FNTB: variants seen among roughly 807,000 people sequenced by gnomAD.
FNTB encodes the protein protein farnesyltransferase subunit beta.
FNTB carries 27 observed loss-of-function variants against 59.4 expected under a neutral mutation model. That is an observed-to-expected ratio of 0.45 (90% CI 0.34 to 0.63). The LOEUF (loss-of-function observed/expected upper bound fraction) is 0.63, where lower values mean the gene tolerates loss of function less well. FNTB is among the 20% of genes least tolerant of loss of function. The pLI, the probability that FNTB is intolerant of heterozygous loss-of-function variation, is 0.02. For missense variants in FNTB, 449 were observed against 559.6 expected, an observed-to-expected ratio of 0.80 and a Z score of 1.99; for synonymous variants, 230 against 220.7, an observed-to-expected ratio of 1.04 and a Z score of -0.37.
chr14:65,006,111 C>T (rs1423198365), intron 2 of FNTB: 28 of 1,590,362 alleles, frequency 1.8e-5, no homozygotes, highest in Admixed American at 3.5e-5. Flanking sequence ...CTTCTGCTTA[C>T]TGGAACATTA....
intron 4 of FNTB, among the ~76,000 whole-genome samples, chr14:65,025,271 A>G (rs1017254485): frequency 1.3e-5 from 2 of 152,164 alleles, no homozygotes; most frequent in Admixed American, 1.3e-4. Flanking sequence ...GCACGATTCT[A>G]TCTTAGGAGC....
Position 65,030,227 on chromosome 14 carries a change from TAGAC to T in FNTB, c.606-2379_606-2376del, listed in dbSNP as rs2062053568. Among the ~76,000 whole-genome samples the T allele has an allele frequency of 6.6e-5, 10 of 152,198 alleles. No individual in the cohort carries two copies. In the South Asian group the frequency reaches 1.9e-3, roughly 28 times the overall value. On this transcript the variant is annotated intron_variant, in intron 6 of 11. Coordinates refer to ENST00000246166, the MANE Select transcript of FNTB (RefSeq NM_002028.4). This position sits in a 1 kb window ranked among gnomAD's most constrained non-coding sequence, Gnocchi z 4.5. ...AAGAGGCCTACAATTGCAAGGAAAT[TAGAC>T]AGATCTTCAAAATTAGCTGCTGGTA...
intron 1 of FNTB, among the ~76,000 whole-genome samples, chr14:64,989,064 TAGG>T (rs1184128889): frequency 6.6e-6 from 1 of 152,016 alleles, no homozygotes; most frequent in Non-Finnish European, 1.5e-5. Flanking sequence ...ACAACCTTGT[TAGG>T]AGGAGTTGTT....
chr14:65,052,701 G>A (rs1727810848), intron 9 of FNTB, among the ~76,000 whole-genome samples: 1 of 152,286 alleles, frequency 6.6e-6, no homozygotes, highest in East Asian at 1.9e-4. Context: ...TGTTTCTTAG[G>A]TAAATTCTTT....
At chr14:65,005,493 CTT>C (rs1488796969) in intron 2 of FNTB, among the ~76,000 whole-genome samples, 9 of 136,450 alleles carry the variant, frequency 6.6e-5, no homozygotes, top group African/African-American at 2.2e-4. Flanking sequence ...TTCTTTCTTT[CTT>C]TCTTTCTTTC....
intron 1 of FNTB, 26 bp downstream of exon 1, chr14:64,987,123 G>T (rs1164320977): frequency 1.2e-5 from 20 of 1,613,468 alleles, no homozygotes; most frequent in Admixed American, 8.3e-5. Flanking sequence ...TGGGCGAGGC[G>T]CCCGCGCGAT....
In FNTB at chr14:65,004,244, A is replaced by G; in HGVS notation, c.145-5A>G. The G allele has an allele frequency of 6.2e-7, 1 of 1,613,416 alleles. No individual in the cohort carries two copies. Among genetic ancestry groups the G allele is most frequent in the Non-Finnish European group, 8.5e-7 (1 of 1,179,618 alleles). ...TCTCTCTCCTATCTCCTGCATCCTT[A>G]CCAGGCAAAAGTAGAAGAAAAGATC... On this transcript the variant is annotated splice_region_variant and splice_polypyrimidine_tract_variant and intron_variant, in intron 1 of 11. Coordinates refer to ENST00000246166, the MANE Select transcript of FNTB (RefSeq NM_002028.4).
rs1383923618 is a variant in FNTB at position 65,012,201 on chromosome 14, T to C, written c.210-116T>C. 1 of 1,287,802 alleles carries C rather than the reference T, an allele frequency of 7.8e-7. No homozygotes were observed. The highest frequency in any genetic ancestry group is 1.5e-5 in the African/African-American group (1 of 66,840). The allele number at this position is 1,287,802 out of a possible 1,614,324, so 79.8% of individuals were successfully genotyped here. The stretch of plus-strand genomic sequence containing the variant: ...AAGTTGCTGGTTATCCAGTCAGTGA[T>C]TGCAGGGGGACGTCCTGAAGCTGAG... On this transcript the variant is annotated intron_variant, in intron 2 of 11. Coordinates refer to ENST00000246166, the MANE Select transcript of FNTB (RefSeq NM_002028.4). This position sits in a 1 kb window ranked among gnomAD's most constrained non-coding sequence, Gnocchi z 5.0.
In FNTB at chr14:65,044,194, C is replaced by T; in HGVS notation, c.823-117C>T. 1 of 1,558,276 alleles carries T rather than the reference C, an allele frequency of 6.4e-7. No homozygotes were observed. On this transcript the variant is annotated intron_variant, in intron 8 of 11. Transcript: ENST00000246166. This position sits in a 1 kb window ranked among gnomAD's most constrained non-coding sequence, Gnocchi z 5.5. ...AAACCAGAGCACCAAAACTAGAGTG[C>T]CAAGAAGCCACAAGATGGGAAACCC...
intron 1 of FNTB, among the ~76,000 whole-genome samples, chr14:64,998,165 T>A (rs1220368499): frequency 6.6e-6 from 1 of 152,240 alleles, no homozygotes; most frequent in Non-Finnish European, 1.5e-5. Context: ...ATGAAGAAAG[T>A]ACTATTTGAG....
At chr14:65,060,695 C>A (rs2062843299) in intron 11 of FNTB, among the ~76,000 whole-genome samples, 2 of 36,232 alleles carry the variant, frequency 5.5e-5, no homozygotes, top group Non-Finnish European at 4.3e-5. Flanking sequence ...GAGACTCCGT[C>A]TCAAAAAAAA....
rs1380134086 is a variant in FNTB, at chr14:65,012,073, G to A, written c.210-244G>A. On this transcript the variant is annotated intron_variant, in intron 2 of 11. Coordinates refer to ENST00000246166, the MANE Select transcript of FNTB (RefSeq NM_002028.4). This position sits in a 1 kb window ranked among gnomAD's most constrained non-coding sequence, Gnocchi z 5.0. ...TAGCCCAAAGTCACTGCCTTTAGGAGACAATCGCACTCTAAATGTCAGCTG... is the reference window on the plus strand; with the variant it reads ...TAGCCCAAAGTCACTGCCTTTAGGAAACAATCGCACTCTAAATGTCAGCTG... 2 of 457,706 alleles carry A rather than the reference G, an allele frequency of 4.4e-6. No individual in the cohort carries two copies. The highest frequency in any genetic ancestry group is 6.8e-5 in the Admixed American group (2 of 29,610). 28.4% of individuals were successfully genotyped at this position (457,706 alleles called of 1,614,324 possible). A position where few individuals can be genotyped will look rare whatever the true frequency, so the allele number is the denominator to read the frequency against.
chr14:65,044,676 T>C lies in FNTB; in HGVS notation c.955+233T>C. ...TCAAATTGGCTGCGACAGAATGAGC[T>C]TCCTTGAAATTGCTACGGGGAGCGG... On this transcript the variant is annotated intron_variant, in intron 9 of 11. Transcript: ENST00000246166. This position sits in a 1 kb window ranked among gnomAD's most constrained non-coding sequence, Gnocchi z 5.5. The C allele has an allele frequency of 1.6e-6, 1 of 623,738 alleles. No homozygotes were observed. Among genetic ancestry groups the C allele is most frequent in the Non-Finnish European group, 2.5e-6 (1 of 399,068 alleles). 38.6% of individuals were successfully genotyped at this position (623,738 alleles called of 1,614,324 possible).
At chr14:65,021,312 T>G (rs2061882075) in intron 4 of FNTB, among the ~76,000 whole-genome samples, 1 of 152,234 alleles carries the variant, frequency 6.6e-6, no homozygotes, top group Admixed American at 6.5e-5. Context: ...TTAGGACATT[T>G]CAGCTTGTAA....
At chr14:65,041,070 C>T in intron 8 of FNTB, 151 bp downstream of exon 8, 1 of 1,318,736 alleles carries the variant, frequency 7.6e-7, no homozygotes, top group South Asian at 1.5e-5. Flanking sequence ...AGCAGCTGCT[C>T]TGTCTTGGCT....
chr14:64,999,937 A>G (rs905977325), intron 1 of FNTB, among the ~76,000 whole-genome samples: 2 of 152,206 alleles, frequency 1.3e-5, no homozygotes, highest in African/African-American at 2.4e-5. Flanking sequence ...GTGGTATGAC[A>G]TATTTCCATG....
rs1157319054 is a variant in FNTB, at chr14:65,007,922, T to C, written c.209+3609T>C. 6.6e-6 allele frequency among the ~76,000 whole-genome samples: 1 copy of C among 152,042 alleles called. No homozygotes were observed. The highest frequency in any genetic ancestry group is 1.5e-5 in the Non-Finnish European group (1 of 68,008). On this transcript the variant is annotated intron_variant, in intron 2 of 11. Coordinates refer to ENST00000246166, the MANE Select transcript of FNTB (RefSeq NM_002028.4). The surrounding 1 kb of genome is among the most constrained non-coding windows in gnomAD (Gnocchi z 4.9). Reference sequence around the variant, plus strand: ...CCCTGTGCTAATAGAGCCCTGGAGGTTAAGTGCTGACAATGGCTCTGAAGC... The same window carrying C: ...CCCTGTGCTAATAGAGCCCTGGAGGCTAAGTGCTGACAATGGCTCTGAAGC...
rs1354949158 is a variant in FNTB, at chr14:65,061,237, A to G, written c.1239A>G (p.Thr413=). Residue 413 remains threonine (T), a synonymous_variant, in exon 12 of 12, where the codon ACA becomes ACG. Coordinates refer to ENST00000246166, the MANE Select transcript of FNTB (RefSeq NM_002028.4). ...IGPDKVIQAT[T]YFLQKPVPGF... is the part of the protein sequence containing the mutation. Reference sequence around the variant, plus strand: ...CAGACAAGGTGATCCAGGCCACTACATACTTTCTACAGAAGCCAGTCCCAG... The same window carrying G: ...CAGACAAGGTGATCCAGGCCACTACGTACTTTCTACAGAAGCCAGTCCCAG... The G allele has an allele frequency of 6.2e-7, 1 of 1,614,188 alleles. No individual in the cohort carries two copies. Among genetic ancestry groups the G allele is most frequent in the Non-Finnish European group, 8.5e-7 (1 of 1,180,024 alleles).
intron 11 of FNTB, among the ~76,000 whole-genome samples, chr14:65,059,662 G>A (rs60053410): frequency 0.024 from 3,694 of 152,030 alleles, 129 homozygotes; most frequent in African/African-American, 0.084. Flanking sequence ...CCCACAGTGG[G>A]AGAATCCTGA....
Sources: allele counts gnomAD v4.1 joint callset (sites outside exome capture counted in the v4.1 genomes callset), GRCh38; gene constraint gnomAD v4.1.1; non-coding constraint Gnocchi (gnomAD v3.1); transcripts MANE v1.5; gene names NCBI Gene and HGNC (gene_info 2026-07-23, HGNC 2026-07-21).